The following ZMYM2 variants were observed in gnomAD, a reference collection of about 807,000 sequenced individuals.
The protein encoded by ZMYM2 is zinc finger MYM-type protein 2.
In ZMYM2, 56 loss-of-function variants were observed where a neutral mutation model predicts 162.8. That is an observed-to-expected ratio of 0.34 (90% confidence interval 0.28 to 0.43). ZMYM2 has a LOEUF of 0.43. ZMYM2 is among the 20% of genes least tolerant of loss of function. The pLI, the probability that ZMYM2 is intolerant of heterozygous loss-of-function variation, is 1.00. For missense variants in ZMYM2, 1,275 were observed against 1,621.8 expected (o/e 0.79, Z 3.67); for synonymous variants, 510 against 541.6 (o/e 0.94, Z 0.81).
chr13:19,906,517 A>C, the ZMYM2 span, among the ~76,000 whole-genome samples: 1 of 136,370 alleles, frequency 7.3e-6, no homozygotes, highest in African/African-American at 2.8e-5. Flanking sequence ...TTTTCTATAT[A>C]TCACACATAT....
At chr13:20,065,221 GA>G (rs755865438) in intron 19 of ZMYM2, among the ~76,000 whole-genome samples, 3 of 151,318 alleles carry the variant, frequency 2.0e-5, no homozygotes, top group Admixed American at 2.0e-4. Flanking sequence ...CCAAAAGAAA[GA>G]AAAAAAACCG....
Position 20,031,435 on chromosome 13 carries a change from G to A in ZMYM2, c.1968G>A (p.Glu656=). 6.3e-7 allele frequency: 1 copy of A among 1,590,894 alleles called. No homozygotes were observed. The highest frequency in any genetic ancestry group is 2.3e-5 in the East Asian group (1 of 44,098). Residue 656 remains glutamate (E), a splice_region_variant and synonymous_variant, in exon 10 of 25, where the codon GAG becomes GAA. Coordinates refer to ENST00000610343, the MANE Select transcript of ZMYM2 (RefSeq NM_197968.4). Reference sequence around the variant, plus strand: ...CAAAACCAGAAATCCTGGAATGGGAGGCAAGTTGTATTTTGTAATGTGTGT... The same window carrying A: ...CAAAACCAGAAATCCTGGAATGGGAAGCAAGTTGTATTTTGTAATGTGTGT... The part of the protein sequence containing the change: ...FCSKPEILEW[E]NKVHQFCSKT...
At chr13:19,925,107 C>T in the ZMYM2 span, among the ~76,000 whole-genome samples, 4 of 152,192 alleles carry the variant, frequency 2.6e-5, no homozygotes, top group Admixed American at 2.6e-4. Flanking sequence ...TGGTCTCAAA[C>T]TCCCAACCTC....
At chr13:20,043,306 G>T (rs147408882) in intron 12 of ZMYM2, among the ~76,000 whole-genome samples, 21 of 152,324 alleles carry the variant, frequency 1.4e-4, no homozygotes, top group Middle Eastern at 3.4e-3. Context: ...GTAGTGCGGT[G>T]ACAGCAGGAT....
chr13:20,048,961 T>C (rs931472824), intron 12 of ZMYM2, among the ~76,000 whole-genome samples: 1 of 151,954 alleles, frequency 6.6e-6, no homozygotes, highest in African/African-American at 2.4e-5. Context: ...TTTTTGCAAA[T>C]GGCTAGGGAA....
At chr13:19,881,504 C>A in the ZMYM2 span, among the ~76,000 whole-genome samples, 1 of 151,830 alleles carries the variant, frequency 6.6e-6, no homozygotes, top group Non-Finnish European at 1.5e-5. Context: ...CGCCTGTAAT[C>A]CCAGCTACTC....
At chr13:20,017,987 G>A (rs1951764569) in intron 6 of ZMYM2, among the ~76,000 whole-genome samples, 2 of 152,078 alleles carry the variant, frequency 1.3e-5, no homozygotes, top group Non-Finnish European at 2.9e-5. Context: ...TGAACATTTT[G>A]AGTACTATGG....
the ZMYM2 span, among the ~76,000 whole-genome samples, chr13:19,902,067 G>T: frequency 6.6e-6 from 1 of 152,178 alleles, no homozygotes; most frequent in Non-Finnish European, 1.5e-5. Context: ...TGGGATTACA[G>T]CCATGAGTCC....
chr13:20,052,434 C>T (rs761089271), intron 14 of ZMYM2, 123 bp downstream of exon 14: 31 of 754,448 alleles, frequency 4.1e-5, no homozygotes, highest in South Asian at 2.7e-4. Flanking sequence ...TTTACTGAGA[C>T]GGTGGAGTAT....
At chr13:20,079,420 C>T (rs1052115927) in intron 21 of ZMYM2, among the ~76,000 whole-genome samples, 2 of 145,162 alleles carry the variant, frequency 1.4e-5, no homozygotes, top group Admixed American at 7.0e-5. Context: ...ACTCTTCAGA[C>T]AGGCCTATTC....
At chr13:20,059,683 AT>A (rs201166010) in intron 16 of ZMYM2, 121 bp downstream of exon 16, 97 of 511,898 alleles carry the variant, frequency 1.9e-4, no homozygotes, top group African/African-American at 1.3e-3. Context: ...TATGTGGATG[AT>A]TTTTTTTTTT....
chr13:19,907,417 G>A, the ZMYM2 span, among the ~76,000 whole-genome samples: 1 of 152,118 alleles, frequency 6.6e-6, no homozygotes, highest in African/African-American at 2.4e-5. Context: ...TCAGGGCAGG[G>A]AGTATATGGG....
the ZMYM2 span, among the ~76,000 whole-genome samples, chr13:19,866,873 G>C: frequency 6.6e-6 from 1 of 151,870 alleles, no homozygotes; most frequent in East Asian, 1.9e-4. Context: ...CAGCATCTGG[G>C]TGCAGAGTGA....
rs149735342 is a variant in ZMYM2, at chr13:20,004,703, T to C, written c.1134-371T>C. 9.8e-5 allele frequency among the ~76,000 whole-genome samples: 15 copies of C among 152,330 alleles called. No homozygotes were observed. In the East Asian group the frequency reaches 2.3e-3, roughly 23 times the overall value. ...TATTCCCCATAACCCAGATACCTCT[T>C]ACTTTCTACTTATCCAGGGGAGGGA... On this transcript the variant is annotated intron_variant, in intron 4 of 24. Coordinates refer to ENST00000610343, the MANE Select transcript of ZMYM2 (RefSeq NM_197968.4).
At chr13:20,082,759 A>T in intron 22 of ZMYM2, 22 bp from the exon 23 acceptor site, 5 of 1,493,162 alleles carry the variant, frequency 3.3e-6, no homozygotes, top group Non-Finnish European at 3.6e-6. Flanking sequence ...TAATTCTTTT[A>T]AAATAGTTCT....
chr13:19,979,178 G>A (rs1957070095), intron 2 of ZMYM2, among the ~76,000 whole-genome samples: 1 of 151,974 alleles, frequency 6.6e-6, no homozygotes, highest in African/African-American at 2.4e-5. Flanking sequence ...CTTTTTTGCT[G>A]CTTTCAAAAT....
chr13:19,909,854 A>G, the ZMYM2 span, among the ~76,000 whole-genome samples: 1 of 152,128 alleles, frequency 6.6e-6, no homozygotes, highest in Non-Finnish European at 1.5e-5. Context: ...TACAGACAAA[A>G]ATCTGGGGAA....
chr13:19,958,101 G>A (rs371048841), upstream of ZMYM2, among the ~76,000 whole-genome samples: 2 of 152,202 alleles, frequency 1.3e-5, no homozygotes, highest in East Asian at 1.9e-4. Context: ...TATTCCCCAC[G>A]GGGCGCGGCG....
chr13:19,962,389 T>G (rs1443186338), intron 2 of ZMYM2, among the ~76,000 whole-genome samples: 1 of 151,448 alleles, frequency 6.6e-6, no homozygotes, highest in Admixed American at 6.6e-5. Context: ...TTATATTTCC[T>G]GTCTCTCTAG....
Sources: allele counts gnomAD v4.1 joint callset (sites outside exome capture counted in the v4.1 genomes callset), GRCh38; gene constraint gnomAD v4.1.1; transcripts MANE v1.5; gene names NCBI Gene and HGNC (gene_info 2026-07-23, HGNC 2026-07-21).